The following SYT13 variants were observed in gnomAD, a reference collection of about 807,000 sequenced individuals.
The protein encoded by SYT13 is synaptotagmin 13, also known as synaptotagmin-13.
In SYT13, 21 loss-of-function variants were observed where a neutral mutation model predicts 38.6. The ratio of observed to expected loss-of-function variants is 0.54; its 90% CI spans 0.39 to 0.78. The LOEUF is 0.78. SYT13 is among the 30% of genes least tolerant of loss of function. The pLI is 0.00. For synonymous variants in SYT13, 241 were observed against 237.6 expected (o/e 1.01, Z -0.13); for missense variants, 495 against 548.7 (o/e 0.90, Z 0.98).
intron 5 of SYT13, among the ~76,000 whole-genome samples, chr11:45,245,590 C>A (rs779097067): frequency 6.6e-6 from 1 of 152,186 alleles, no homozygotes; most frequent in Non-Finnish European, 1.5e-5. Flanking sequence ...TAAATAGAGA[C>A]TTATTTATAT....
At chr11:45,268,230 A>G (rs1854908116) in intron 1 of SYT13, among the ~76,000 whole-genome samples, 1 of 152,124 alleles carries the variant, frequency 6.6e-6, no homozygotes, top group South Asian at 2.1e-4. Flanking sequence ...ACCTCTCAAC[A>G]ATGGCCAACT....
intron 1 of SYT13, among the ~76,000 whole-genome samples, chr11:45,260,516 C>G (rs1184985441): frequency 6.6e-5 from 10 of 152,070 alleles, no homozygotes. Flanking sequence ...TAGCAGGGCC[C>G]TAGAGAGAGA....
chr11:45,246,661 T>C (rs1854618113), intron 4 of SYT13, 149 bp from the exon 5 acceptor site: 1 of 1,172,146 alleles, frequency 8.5e-7, no homozygotes, highest in South Asian at 1.6e-5. Flanking sequence ...GTGTCCACCC[T>C]TGCAGAAGAG....
At position 45,286,263 on chromosome 11, in the gene SYT13, G is replaced by GGGCCC; in HGVS notation, c.-61_-57dup. The GGGCCC allele has an allele frequency of 1.4e-6, 2 of 1,469,426 alleles. No homozygotes were observed. Among genetic ancestry groups the GGGCCC allele is most frequent in the Non-Finnish European group, 1.8e-6 (2 of 1,113,496 alleles). 91.0% of individuals were successfully genotyped at this position (1,469,426 alleles called of 1,614,324 possible). ...CGCAGCCGCTCACCTTCCCCGGGCCGGGCCCGCCTCCAGGCAGCTCCCGGG... is the reference window on the plus strand; with the variant it reads ...CGCAGCCGCTCACCTTCCCCGGGCCGGGCCCGGCCCGCCTCCAGGCAGCTCCCGGG... On this transcript the variant is annotated 5_prime_UTR_variant, in exon 1 of 6. Coordinates refer to ENST00000020926, the MANE Select transcript of SYT13 (RefSeq NM_020826.3).
At position 45,243,887 on chromosome 11, in the gene SYT13, T is replaced by C; in HGVS notation, c.*165A>G. ...CCCGCATATTCCATTTCCTGCTCTG[T>C]CTTGCTTATTTCTAAGAAACAAGAG... On this transcript the variant is annotated 3_prime_UTR_variant, in exon 6 of 6. Coordinates refer to ENST00000020926, the MANE Select transcript of SYT13 (RefSeq NM_020826.3). 1 of 713,842 alleles carries C rather than the reference T, an allele frequency of 1.4e-6. No individual in the cohort carries two copies. The highest frequency in any genetic ancestry group is 1.9e-5 in the South Asian group (1 of 53,864). 44.2% of individuals were successfully genotyped at this position (713,842 alleles called of 1,614,324 possible). A position where few individuals can be genotyped will look rare whatever the true frequency, so the allele number is the denominator to read the frequency against.
chr11:45,277,438 G>T (rs577684993), intron 1 of SYT13, among the ~76,000 whole-genome samples: 135 of 152,320 alleles, frequency 8.9e-4, no homozygotes, highest in African/African-American at 3.2e-3. Context: ...TCAGTACGTA[G>T]CTCAATGCCC....
chr11:45,241,513 G>GC lies in SYT13; in HGVS notation c.*2538dup, dbSNP rs760783181. On this transcript the variant is annotated 3_prime_UTR_variant, in exon 6 of 6. Transcript: ENST00000020926. ...AACTTTGAGATCCCTCCCCCGCCCC[G>GC]CCCCCCCAAAAAAAAGAAGAAGAAG... The GC allele has an allele frequency of 0.5, 60,160 of 119,744 alleles. 14,342 individuals are homozygous for GC. Among genetic ancestry groups the GC allele is most frequent in the Middle Eastern group, 0.6 (139 of 232 alleles). The allele number at this position is 119,744 out of a possible 1,614,324, so 7.4% of individuals were successfully genotyped here.
chr11:45,269,332 CAA>C, intron 1 of SYT13: 1 of 773,168 alleles, frequency 1.3e-6, no homozygotes, highest in Non-Finnish European at 1.7e-6. Context: ...AAAAAACAAA[CAA>C]AAAAACAAAA....
intron 1 of SYT13, chr11:45,269,328 C>A (rs1034203026): frequency 1.4e-6 from 1 of 731,536 alleles, no homozygotes; most frequent in Non-Finnish European, 1.8e-6. Flanking sequence ...ATTAAAAAAA[C>A]AAACAAAAAA....
intron 1 of SYT13, among the ~76,000 whole-genome samples, chr11:45,262,147 G>C (rs971572122): frequency 6.6e-6 from 1 of 152,144 alleles, no homozygotes; most frequent in South Asian, 2.1e-4. Context: ...TAGAAAGAAG[G>C]AATGTTCTGA....
intron 1 of SYT13, among the ~76,000 whole-genome samples, chr11:45,267,817 A>G (rs959075441): frequency 3.9e-5 from 6 of 152,090 alleles, no homozygotes; most frequent in Non-Finnish European, 7.4e-5. Flanking sequence ...GGGGAAATCC[A>G]CCTTGAAGAG....
intron 1 of SYT13, among the ~76,000 whole-genome samples, chr11:45,256,128 A>G (rs1454376935): frequency 2.0e-5 from 3 of 152,098 alleles, no homozygotes; most frequent in Non-Finnish European, 2.9e-5. Flanking sequence ...CCATCGGCCC[A>G]TCCATCCTAT....
Position 45,286,339 on chromosome 11 carries a change from G to A in SYT13, c.-132C>T. On this transcript the variant is annotated 5_prime_UTR_variant, in exon 1 of 6. Coordinates refer to ENST00000020926, the MANE Select transcript of SYT13 (RefSeq NM_020826.3). ...GCCGCCAGAGGGGCGGGGACGGAGG[G>A]AGGGAGGACGGCTGCGAGGACGTCA... 9.0e-7 allele frequency: 1 copy of A among 1,113,414 alleles called. No homozygotes were observed. The highest frequency in any genetic ancestry group is 1.2e-6 in the Non-Finnish European group (1 of 817,450). 69.0% of individuals were successfully genotyped at this position (1,113,414 alleles called of 1,614,324 possible).
At chr11:45,251,793 G>A (rs770551996) in intron 4 of SYT13, among the ~76,000 whole-genome samples, 10 of 152,214 alleles carry the variant, frequency 6.6e-5, no homozygotes, top group Non-Finnish European at 1.3e-4. Context: ...GCAGATATGG[G>A]GAAATCATCT....
Position 45,286,290 on chromosome 11 carries a change from T to C in SYT13, c.-83A>G. 1 of 1,417,604 alleles carries C rather than the reference T, an allele frequency of 7.1e-7. No homozygotes were observed. Among genetic ancestry groups the C allele is most frequent in the Non-Finnish European group, 9.2e-7 (1 of 1,083,296 alleles). 87.8% of individuals were successfully genotyped at this position (1,417,604 alleles called of 1,614,324 possible). A position where few individuals can be genotyped will look rare whatever the true frequency, so the allele number is the denominator to read the frequency against. ...GCCCGCCTCCAGGCAGCTCCCGGGA[T>C]CCGGGCGAGCCAGCAGCTCTCCCGC... On this transcript the variant is annotated 5_prime_UTR_variant, in exon 1 of 6. Transcript: ENST00000020926.
intron 1 of SYT13, among the ~76,000 whole-genome samples, chr11:45,266,540 A>G (rs1231796575): frequency 6.6e-6 from 1 of 151,764 alleles, no homozygotes; most frequent in East Asian, 1.9e-4. Context: ...ACACATACAC[A>G]CATCCTAATG....
At chr11:45,285,403 C>G (rs1855121970) in intron 1 of SYT13, among the ~76,000 whole-genome samples, 1 of 152,174 alleles carries the variant, frequency 6.6e-6, no homozygotes, top group South Asian at 2.1e-4. Flanking sequence ...GGCTGGAGCT[C>G]AGAGCTGCTA....
intron 1 of SYT13, among the ~76,000 whole-genome samples, chr11:45,267,325 G>GC (rs1215214268): frequency 2.0e-5 from 3 of 152,206 alleles, no homozygotes. Flanking sequence ...TAAGGCGGAT[G>GC]CCCAGGACGC....
chr11:45,273,528 C>CG (rs1397531508), intron 1 of SYT13, among the ~76,000 whole-genome samples: 1 of 145,478 alleles, frequency 6.9e-6, no homozygotes. Context: ...TTGGGGTTGA[C>CG]GGGGGAGCAT....
Sources: gnomAD v4.1 joint callset for allele counts (sites outside exome capture counted in the v4.1 genomes callset) on GRCh38, gnomAD v4.1.1 for gene constraint, MANE v1.5 for transcripts, NCBI Gene and HGNC (gene_info 2026-07-23, HGNC 2026-07-21) for gene names.